Variants in ASTN1 observed in about 807,000 individuals in gnomAD.
ASTN1 encodes astrotactin-1.
Under a neutral mutation model 140.7 loss-of-function variants are expected in ASTN1, and 41 were observed. The ratio of observed to expected loss-of-function variants is 0.29; its 90% CI spans 0.23 to 0.38. The LOEUF is 0.38. Ranked by LOEUF, ASTN1 falls within the 10% of genes least tolerant of loss-of-function variation. The pLI is 1.00. For missense variants in ASTN1, 1,479 were observed against 1,678.8 expected (o/e 0.88, Z 2.08); for synonymous variants, 640 against 652.2 (o/e 0.98, Z 0.29).
At chr1:176,873,542 A>G (rs545437538) in intron 21 of ASTN1, among the ~76,000 whole-genome samples, 4 of 152,168 alleles carry the variant, frequency 2.6e-5, no homozygotes, top group African/African-American at 9.7e-5. Context: ...GGTAATTCCC[A>G]TTTGTTATTG....
At chr1:176,916,753 C>A (rs138169230) in intron 16 of ASTN1, among the ~76,000 whole-genome samples, 3 of 152,314 alleles carry the variant, frequency 2.0e-5, no homozygotes, top group East Asian at 3.9e-4. Context: ...TCCCAAGCAT[C>A]CTCCACGCTG....
intron 21 of ASTN1, among the ~76,000 whole-genome samples, chr1:176,874,382 T>C (rs993308869): frequency 6.6e-6 from 1 of 152,226 alleles, no homozygotes; most frequent in South Asian, 2.1e-4. Flanking sequence ...TGAACAGTCT[T>C]TTAAAATGTG....
intron 20 of ASTN1, among the ~76,000 whole-genome samples, chr1:176,882,319 C>A (rs1186298075): frequency 6.6e-6 from 1 of 152,212 alleles, no homozygotes; most frequent in African/African-American, 2.4e-5. Flanking sequence ...GGACTTATAG[C>A]ATTCTATCTT....
intron 8 of ASTN1, among the ~76,000 whole-genome samples, chr1:176,991,444 A>C: frequency 6.7e-6 from 1 of 149,550 alleles, no homozygotes; most frequent in Non-Finnish European, 1.5e-5. Context: ...ACCAAAAAAA[A>C]AAAAAAAAAA....
chr1:176,883,020 A>G (rs1668874656), intron 19 of ASTN1, 26 bp from the exon 20 acceptor site: 1 of 1,613,348 alleles, frequency 6.2e-7, no homozygotes. Flanking sequence ...GGAATGGAAA[A>G]AGCATGAGAA....
chr1:177,155,504 T>A (rs1683199780), intron 1 of ASTN1, among the ~76,000 whole-genome samples: 1 of 152,234 alleles, frequency 6.6e-6, no homozygotes, highest in South Asian at 2.1e-4. Context: ...TAGAGTAATC[T>A]GCAAGACTAA....
chr1:176,959,674 T>C (rs1267424290), intron 9 of ASTN1, among the ~76,000 whole-genome samples: 1 of 152,090 alleles, frequency 6.6e-6, no homozygotes, highest in Non-Finnish European at 1.5e-5. Flanking sequence ...GTGTGGGACA[T>C]GTGCCAGCTT....
intron 21 of ASTN1, among the ~76,000 whole-genome samples, chr1:176,874,877 G>A (rs1283078219): frequency 6.6e-6 from 1 of 152,028 alleles, no homozygotes; most frequent in Non-Finnish European, 1.5e-5. Flanking sequence ...TTAGATGGGA[G>A]GCAGGCATTT....
At chr1:177,128,552 G>C (rs1681785895) in intron 1 of ASTN1, among the ~76,000 whole-genome samples, 1 of 152,144 alleles carries the variant, frequency 6.6e-6, no homozygotes, top group African/African-American at 2.4e-5. Context: ...TGAAATTGGT[G>C]CATGTCTGTT....
At chr1:177,040,518 A>C (rs1676923933) in intron 2 of ASTN1, among the ~76,000 whole-genome samples, 1 of 152,150 alleles carries the variant, frequency 6.6e-6, no homozygotes, top group Non-Finnish European at 1.5e-5. Context: ...GTCTCAATAA[A>C]ATGCCATTGG....
chr1:176,877,605 A>G (rs1668618422), intron 20 of ASTN1, among the ~76,000 whole-genome samples: 1 of 152,234 alleles, frequency 6.6e-6, no homozygotes, highest in Non-Finnish European at 1.5e-5. Flanking sequence ...GAAGAAGAGG[A>G]ATTCTAGGTT....
chr1:176,951,842 C>CTTTAT (rs1225898463), intron 11 of ASTN1, among the ~76,000 whole-genome samples: 3 of 152,122 alleles, frequency 2.0e-5, no homozygotes, highest in African/African-American at 7.2e-5. Context: ...GTATTAATAG[C>CTTTAT]TATCAGAAAT....
chr1:176,928,156 A>T (rs1207047159), intron 16 of ASTN1, among the ~76,000 whole-genome samples: 1 of 151,752 alleles, frequency 6.6e-6, no homozygotes, highest in Non-Finnish European at 1.5e-5. Flanking sequence ...GAAAGACTAG[A>T]CCCTAGAATA....
At chr1:177,144,565 AT>A (rs1186327047) in intron 1 of ASTN1, among the ~76,000 whole-genome samples, 1 of 147,902 alleles carries the variant, frequency 6.8e-6, no homozygotes, top group Non-Finnish European at 1.5e-5. Flanking sequence ...GAACTCAATG[AT>A]TTTAAGTTAT....
chr1:177,018,555 A>C (rs891260994), intron 7 of ASTN1, among the ~76,000 whole-genome samples: 2 of 152,198 alleles, frequency 1.3e-5, no homozygotes, highest in Non-Finnish European at 2.9e-5. Context: ...GTCTTGGATA[A>C]AGATTAAAAC....
chr1:177,160,803 G>C (rs1647312851), intron 1 of ASTN1, among the ~76,000 whole-genome samples: 1 of 152,168 alleles, frequency 6.6e-6, no homozygotes, highest in Admixed American at 6.5e-5. Flanking sequence ...AATTAGAAAT[G>C]ACAGTTATTT....
intron 2 of ASTN1, among the ~76,000 whole-genome samples, chr1:177,034,803 A>T (rs1463018273): frequency 6.6e-6 from 1 of 152,226 alleles, no homozygotes; most frequent in Non-Finnish European, 1.5e-5. Context: ...TAACTTCCCA[A>T]CTGAGAGAAG....
At chr1:177,043,238 G>A (rs939158923) in intron 2 of ASTN1, among the ~76,000 whole-genome samples, 14 of 152,188 alleles carry the variant, frequency 9.2e-5, no homozygotes, top group African/African-American at 3.4e-4. Flanking sequence ...CCTGTTCTGG[G>A]ATGGGAGACC....
chr1:177,142,884 G>A (rs1682534944), intron 1 of ASTN1, among the ~76,000 whole-genome samples: 1 of 141,536 alleles, frequency 7.1e-6, no homozygotes, highest in Non-Finnish European at 1.5e-5. Flanking sequence ...GAGGAAAGGA[G>A]CAAGGAGGAA....
Sources: allele counts gnomAD v4.1 joint callset (sites outside exome capture counted in the v4.1 genomes callset), GRCh38; gene constraint gnomAD v4.1.1; transcripts MANE v1.5; gene names NCBI Gene and HGNC (gene_info 2026-07-23, HGNC 2026-07-21).